TMPRSS15: variants seen among roughly 807,000 people sequenced by gnomAD.
The protein encoded by TMPRSS15 is transmembrane serine protease 15, also known as enteropeptidase.
TMPRSS15 carries 128 observed loss-of-function variants against 125.3 expected under a neutral mutation model. The ratio of observed to expected loss-of-function variants is 1.02; its 90% CI spans 0.89 to 1.18. The LOEUF is 1.18. Among genes scored for constraint, TMPRSS15 ranks in the 50% most tolerant of loss-of-function variants. The pLI, the probability that TMPRSS15 is intolerant of heterozygous loss-of-function variation, is 0.00. For missense variants in TMPRSS15, 1,283 were observed against 1,212.7 expected, an observed-to-expected ratio of 1.06 and a Z score of -0.86; for synonymous variants, 446 against 423.2, an observed-to-expected ratio of 1.05 and a Z score of -0.66.
chr21:18,310,667 C>G (rs949128685), intron 18 of TMPRSS15, among the ~76,000 whole-genome samples: 1 of 151,860 alleles, frequency 6.6e-6, no homozygotes. Flanking sequence ...TTAATGCAAT[C>G]CCTATCAAAA....
intron 3 of TMPRSS15, among the ~76,000 whole-genome samples, chr21:18,396,858 A>C (rs2076046233): frequency 7.7e-6 from 1 of 130,590 alleles, no homozygotes; most frequent in Admixed American, 7.8e-5. Flanking sequence ...ATCTTAAGTC[A>C]CAAAAGGCTT....
intron 1 of TMPRSS15, among the ~76,000 whole-genome samples, chr21:18,427,576 T>A (rs1287323373): frequency 1.3e-5 from 2 of 152,186 alleles, no homozygotes; most frequent in South Asian, 4.1e-4. Flanking sequence ...TACTTCACCA[T>A]CTGAAATAGA....
chr21:18,282,107 A>C (rs965053176), intron 21 of TMPRSS15, among the ~76,000 whole-genome samples: 11 of 150,484 alleles, frequency 7.3e-5, no homozygotes, highest in African/African-American at 1.9e-4. Flanking sequence ...CAAAAAAAAA[A>C]AAAAAAAAAA....
intron 18 of TMPRSS15, among the ~76,000 whole-genome samples, chr21:18,302,306 A>T (rs975721360): frequency 6.6e-6 from 1 of 152,188 alleles, no homozygotes; most frequent in African/African-American, 2.4e-5. Flanking sequence ...TTGATTTAGC[A>T]GGACAGAAGG....
chr21:18,392,144 C>A (rs1420409655), intron 3 of TMPRSS15, among the ~76,000 whole-genome samples: 2 of 152,186 alleles, frequency 1.3e-5, no homozygotes, highest in Non-Finnish European at 2.9e-5. Flanking sequence ...GAGACATGTT[C>A]ACCATTGTCT....
chr21:18,292,206 T>C (rs1398343538), intron 21 of TMPRSS15, among the ~76,000 whole-genome samples: 2 of 152,258 alleles, frequency 1.3e-5, no homozygotes, highest in African/African-American at 2.4e-5. Flanking sequence ...GTTACTCTCA[T>C]GTAGACACAG....
At chr21:18,386,882 G>A (rs542404352) in intron 3 of TMPRSS15, among the ~76,000 whole-genome samples, 48 of 152,160 alleles carry the variant, frequency 3.2e-4, no homozygotes, top group African/African-American at 1.1e-3. Flanking sequence ...AGGTATTTTG[G>A]GCAAAGAAAA....
intron 21 of TMPRSS15, among the ~76,000 whole-genome samples, chr21:18,283,168 T>G (rs1337928955): frequency 6.6e-6 from 1 of 152,284 alleles, no homozygotes; most frequent in East Asian, 1.9e-4. Context: ...ACCCTGGGAT[T>G]CCCGTGTCTA....
chr21:18,447,254 GC>G (rs1293390164), intron 1 of TMPRSS15, among the ~76,000 whole-genome samples: 2 of 151,702 alleles, frequency 1.3e-5, no homozygotes, highest in East Asian at 3.9e-4. Flanking sequence ...GACCAGCCTG[GC>G]CAATATGGTG....
In TMPRSS15 at chr21:18,305,183, CTTT is replaced by C. The variant is rs59103494; in HGVS notation, c.2166-7357_2166-7355del. Among the ~76,000 whole-genome samples the C allele has an allele frequency of 2.8e-4, 24 of 86,056 alleles. 1 individual carries two copies. Among genetic ancestry groups the C allele is most frequent in the African/African-American group, 8.0e-4 (18 of 22,584 alleles). The allele number at this position is 86,056 out of a possible 152,430, so 56.5% of individuals were successfully genotyped here. A position where few individuals can be genotyped will look rare whatever the true frequency, so the allele number is the denominator to read the frequency against. On this transcript the variant is annotated intron_variant, in intron 18 of 24. Coordinates refer to ENST00000284885, the MANE Select transcript of TMPRSS15 (RefSeq NM_002772.3). Reference sequence around the variant, plus strand: ...GGATTCCAGGATTTGAATTTCCGTACTTTTTTTTTTTTTTTTTTTTTTTGAGAC... The same window carrying C: ...GGATTCCAGGATTTGAATTTCCGTACTTTTTTTTTTTTTTTTTTTTGAGAC...
At chr21:18,401,023 A>C (rs2076090151) in intron 1 of TMPRSS15, among the ~76,000 whole-genome samples, 1 of 152,290 alleles carries the variant, frequency 6.6e-6, no homozygotes, top group East Asian at 1.9e-4. Flanking sequence ...TCAAAACCAC[A>C]ATGAGATACC....
At chr21:18,274,198 A>G (rs2074593703) in intron 24 of TMPRSS15, among the ~76,000 whole-genome samples, 1 of 152,172 alleles carries the variant, frequency 6.6e-6, no homozygotes, top group Non-Finnish European at 1.5e-5. Flanking sequence ...AACTGTTAAC[A>G]TTTTTGAGTA....
intron 18 of TMPRSS15, among the ~76,000 whole-genome samples, chr21:18,300,611 C>T (rs1374624333): frequency 6.6e-6 from 1 of 152,108 alleles, no homozygotes; most frequent in East Asian, 1.9e-4. Flanking sequence ...TCCCAAAGTG[C>T]TGGGATTACA....
chr21:18,377,336 T>A (rs1310874006), intron 5 of TMPRSS15, among the ~76,000 whole-genome samples: 1 of 152,146 alleles, frequency 6.6e-6, no homozygotes, highest in South Asian at 2.1e-4. Flanking sequence ...TAGGGTTTTT[T>A]ATGAATCTTT....
intron 15 of TMPRSS15, among the ~76,000 whole-genome samples, chr21:18,328,734 T>C (rs773854816): frequency 1.3e-5 from 2 of 152,120 alleles, no homozygotes. Context: ...CCACAGCCAA[T>C]AATAAGTTAC....
Position 18,465,471 on chromosome 21 carries a change from GTC to G in TMPRSS15, c.10+20326_10+20327del, listed in dbSNP as rs2122955512. The stretch of plus-strand genomic sequence containing the variant: ...AAATAGGAAGAGAGGAAGTCAAATT[GTC>G]TCTGTTTGCAGATGAAATCATTGTG... On this transcript the variant is annotated intron_variant, in intron 1 of 7. Coordinates refer to the TMPRSS15 transcript ENST00000422787. Among the ~76,000 whole-genome samples, 12 of 152,242 alleles carry G rather than the reference GTC, an allele frequency of 7.9e-5. No homozygotes were observed. The South Asian group carries it at 2.5e-3, about 32-fold the overall frequency.
chr21:18,344,484 T>C (rs111820656), intron 10 of TMPRSS15, among the ~76,000 whole-genome samples: 4 of 152,194 alleles, frequency 2.6e-5, no homozygotes, highest in African/African-American at 9.7e-5. Flanking sequence ...GAAGGCAAAT[T>C]TAAGAGTTTC....
intron 22 of TMPRSS15, among the ~76,000 whole-genome samples, chr21:18,280,591 AAAAAC>A (rs1328472599): frequency 1.3e-5 from 2 of 149,158 alleles, no homozygotes; most frequent in African/African-American, 5.1e-5. Context: ...AAAAAAAAAA[AAAAAC>A]AACAAAACAA....
At position 18,425,966 on chromosome 21, in the gene TMPRSS15, A is replaced by G. The variant is rs550777676; in HGVS notation, c.11-27637T>C. Among the ~76,000 whole-genome samples the G allele has an allele frequency of 2.6e-5, 4 of 152,310 alleles. No individual in the cohort carries two copies. The East Asian group carries it at 7.7e-4, about 29-fold the overall frequency. On this transcript the variant is annotated intron_variant, in intron 1 of 7. Transcript: ENST00000422787. ...TATGCTCTGTGCCAGGCTCTGTGCT[A>G]TGAGTATTAACAAAATATTAATAAA...
Sources: allele counts gnomAD v4.1 joint callset (sites outside exome capture counted in the v4.1 genomes callset), GRCh38; gene constraint gnomAD v4.1.1; transcripts MANE v1.5; gene names NCBI Gene and HGNC (gene_info 2026-07-23, HGNC 2026-07-21).